The following GAREM2 variants were observed in gnomAD, a reference collection of about 807,000 sequenced individuals.
The protein encoded by GAREM2 is GRB2 associated regulator of MAPK1 subtype 2.
In GAREM2, 30 loss-of-function variants were observed where a neutral mutation model predicts 55.6. The ratio of observed to expected loss-of-function variants is 0.54; its 90% CI spans 0.40 to 0.73. GAREM2 has a LOEUF of 0.73. Among genes scored for constraint, GAREM2 ranks in the 30% least tolerant of loss-of-function variants. The pLI is 0.00. For synonymous variants in GAREM2, 550 were observed against 569.1 expected, an observed-to-expected ratio of 0.97 and a Z score of 0.48; for missense variants, 1,075 against 1,257.7, an observed-to-expected ratio of 0.85 and a Z score of 2.20.
chr2:26,201,208 T>A, the GAREM2 span: 2 of 1,613,990 alleles, frequency 1.2e-6, no homozygotes, highest in East Asian at 4.5e-5. Context: ...ACAGCTTCAA[T>A]CACCATGTCG....
At chr2:26,198,104 A>G in the GAREM2 span, among the ~76,000 whole-genome samples, 71 of 152,216 alleles carry the variant, frequency 4.7e-4, no homozygotes, top group African/African-American at 1.6e-3. Context: ...TTGAATTGCA[A>G]TTCATTGATT....
Position 26,188,287 on chromosome 2 carries a change from T to C in GAREM2, c.*30T>C, listed in dbSNP as rs1469782316. ...CCCAGCTGGAGCTGCACAGCTGGAATGCTGGTATGGGGGCCCCAGGTACAG... is the reference window on the plus strand; with the variant it reads ...CCCAGCTGGAGCTGCACAGCTGGAACGCTGGTATGGGGGCCCCAGGTACAG... On this transcript the variant is annotated 3_prime_UTR_variant, in exon 6 of 6. Transcript: ENST00000401533. The C allele has an allele frequency of 1.4e-6, 2 of 1,419,118 alleles. No homozygotes were observed. The highest frequency in any genetic ancestry group is 1.9e-6 in the Non-Finnish European group (2 of 1,076,786). The allele number at this position is 1,419,118 out of a possible 1,614,324, so 87.9% of individuals were successfully genotyped here. A position where few individuals can be genotyped will look rare whatever the true frequency, so the allele number is the denominator to read the frequency against.
chr2:26,198,065 C>T, the GAREM2 span, among the ~76,000 whole-genome samples: 6 of 152,182 alleles, frequency 3.9e-5, no homozygotes, highest in African/African-American at 1.4e-4. Context: ...GTCAATAAAA[C>T]AGCTTAGAAC....
Position 26,185,098 on chromosome 2 carries a change from C to T in GAREM2, c.1250C>T (p.Ala417Val), listed in dbSNP as rs1574593126. 6 of 1,432,022 alleles carry T rather than the reference C, an allele frequency of 4.2e-6. No individual in the cohort carries two copies. Among genetic ancestry groups the T allele is most frequent in the Middle Eastern group, 2.4e-4 (1 of 4,086 alleles). 88.7% of individuals were successfully genotyped at this position (1,432,022 alleles called of 1,614,324 possible). A position where few individuals can be genotyped will look rare whatever the true frequency, so the allele number is the denominator to read the frequency against. Residue 417 changes from alanine to valine, a missense_variant, in exon 4 of 6, where the codon GCG becomes GTG. This residue lies in a region of GAREM2 where 515 missense variants were observed against 501.5 expected (regional missense o/e 1.03). Transcript: ENST00000401533. Reference sequence around the variant, plus strand: ...TACGTGAGCCCCGACTGGGCAGCCGCGCCCGAGCCCGCCGCGCCGCCCGCC... The same window carrying T: ...TACGTGAGCCCCGACTGGGCAGCCGTGCCCGAGCCCGCCGCGCCGCCCGCC... The part of the protein sequence containing the change: ...QEYVSPDWAA[A>V]PEPAAPPAEI...
rs1297637412 is a variant in GAREM2, at chr2:26,187,660, A to G, written c.2028A>G (p.Ser676=). ...PGPASPGQAY[S]AAPPSSCAPS... is the part of the protein sequence containing the mutation. ...CAGCCTCGCCAGGCCAGGCCTATTC[A>G]GCTGCTCCCCCCTCCTCCTGCGCCC... The change falls in exon 6 of 6, where the codon TCA becomes TCG. Residue 676 remains serine (S), a synonymous_variant. Transcript: ENST00000401533. 4 of 1,533,900 alleles carry G rather than the reference A, an allele frequency of 2.6e-6. No homozygotes were observed. The highest frequency in any genetic ancestry group is 8.8e-7 in the Non-Finnish European group (1 of 1,138,162).
Position 26,184,401 on chromosome 2 carries a change from G to C in GAREM2, c.553G>C (p.Ala185Pro). Reference protein sequence around the residue: ...LRKLGRAGALAGVGGGGPASA... With the variant: ...LRKLGRAGALPGVGGGGPASA... ...AAAGCTGGGCCGGGCCGGGGCGCTG[G>C]CCGGGGTGGGCGGCGGCGGCCCAGC... The change falls in exon 4 of 6, where the codon GCC becomes CCC. Residue 185 changes from alanine (A) to proline (P), a missense_variant. This residue lies in a region of GAREM2 where 230 missense variants were observed against 310.6 expected (regional missense o/e 0.74). Coordinates refer to ENST00000401533, the MANE Select transcript of GAREM2 (RefSeq NM_001168241.2). The C allele has an allele frequency of 1.3e-6, 2 of 1,508,256 alleles. No individual in the cohort carries two copies. Among genetic ancestry groups the C allele is most frequent in the East Asian group, 2.8e-5 (1 of 35,756 alleles). The allele number at this position is 1,508,256 out of a possible 1,614,324, so 93.4% of individuals were successfully genotyped here.
At position 26,187,305 on chromosome 2, in the gene GAREM2, G is replaced by T. The variant is rs1310777387; in HGVS notation, c.1673G>T (p.Gly558Val). 1.1e-5 allele frequency: 16 copies of T among 1,516,494 alleles called. No homozygotes were observed. In the East Asian group the frequency reaches 3.7e-4, roughly 35 times the overall value. 93.9% of individuals were successfully genotyped at this position (1,516,494 alleles called of 1,614,324 possible). The change falls in exon 6 of 6, where the codon GGA becomes GTA. Residue 558 changes from glycine to valine, a missense_variant. Gly to Val is a moderately radical substitution (Grantham distance 109). This residue lies in a region of GAREM2 where 515 missense variants were observed against 501.5 expected (regional missense o/e 1.03). Transcript: ENST00000401533. ...YSLYCYPCTW[G>V]DCKVGESSSR... is the part of the protein sequence containing the mutation. Reference sequence around the variant, plus strand: ...CTCTATTGCTACCCATGCACCTGGGGAGACTGCAAGGTGGGCGAGTCCTCT... The same window carrying T: ...CTCTATTGCTACCCATGCACCTGGGTAGACTGCAAGGTGGGCGAGTCCTCT...
chr2:26,195,257 C>G, the GAREM2 span: 2 of 1,605,478 alleles, frequency 1.2e-6, no homozygotes, highest in Non-Finnish European at 8.5e-7. Context: ...CAAAAGCCAA[C>G]AGATCGGAGA....
downstream of GAREM2, chr2:26,194,547 A>G: frequency 6.7e-7 from 1 of 1,489,360 alleles, no homozygotes; most frequent in Non-Finnish European, 9.4e-7. Flanking sequence ...GATGCCGCAA[A>G]CACTCTGGAG....
the GAREM2 span, among the ~76,000 whole-genome samples, chr2:26,200,735 CTTT>C: frequency 9.4e-5 from 13 of 138,966 alleles, no homozygotes; most frequent in Non-Finnish European, 1.1e-4. Flanking sequence ...AACAAAAAGT[CTTT>C]TTTTTTTTTT....
chr2:26,175,859 C>T (rs1668847914), intron 1 of GAREM2, among the ~76,000 whole-genome samples: 2 of 152,196 alleles, frequency 1.3e-5, no homozygotes, highest in African/African-American at 4.8e-5. Flanking sequence ...GGAAGCACAG[C>T]TCCAGCATCT....
chr2:26,201,649 A>G, the GAREM2 span, among the ~76,000 whole-genome samples: 1 of 152,270 alleles, frequency 6.6e-6, no homozygotes, highest in Non-Finnish European at 1.5e-5. Context: ...TAACATGAAT[A>G]CTAGAATGGC....
At chr2:26,193,341 C>T (rs1321260481), downstream of GAREM2, among the ~76,000 whole-genome samples, 1 of 142,238 alleles carries the variant, frequency 7.0e-6, no homozygotes, top group African/African-American at 2.7e-5. Context: ...GTTGCCCAGG[C>T]TGGCCTCACA....
intron 2 of GAREM2, chr2:26,182,231 G>A: frequency 1.4e-6 from 2 of 1,410,798 alleles, no homozygotes; most frequent in Non-Finnish European, 1.8e-6. Context: ...GTCTCCTAGG[G>A]GCATGTGCTG....
chr2:26,203,600 GCCCTGCCTTCC>G, the GAREM2 span, among the ~76,000 whole-genome samples: 2 of 152,140 alleles, frequency 1.3e-5, no homozygotes, highest in African/African-American at 4.8e-5. Context: ...CCTGATCCCG[GCCCTGCCTTCC>G]CCCTGCAGTT....
chr2:26,191,217 T>C, downstream of GAREM2: 1 of 1,605,938 alleles, frequency 6.2e-7, no homozygotes, highest in Non-Finnish European at 8.5e-7. Flanking sequence ...CAGCTGGGGT[T>C]AGTGCACTGA....
At chr2:26,175,559 C>T (rs1668837436) in intron 1 of GAREM2, among the ~76,000 whole-genome samples, 2 of 151,844 alleles carry the variant, frequency 1.3e-5, no homozygotes, top group South Asian at 2.1e-4. Flanking sequence ...CCCTCTCCTT[C>T]GAGGTCCCCT....
Position 26,185,200 on chromosome 2 carries a change from T to G in GAREM2, c.1352T>G (p.Ile451Ser). The G allele has an allele frequency of 6.6e-7, 1 of 1,520,236 alleles. No homozygotes were observed. The highest frequency in any genetic ancestry group is 8.8e-7 in the Non-Finnish European group (1 of 1,140,956). 94.2% of individuals were successfully genotyped at this position (1,520,236 alleles called of 1,614,324 possible). A position where few individuals can be genotyped will look rare whatever the true frequency, so the allele number is the denominator to read the frequency against. ...CGGCCGCCCCCAGGGCTCGATCTCA[T>G]CTCCTTCGGGGCCGCGGGACCGCCG... ...LVRPPPGLDL[I>S]SFGAAGPPRR... Residue 451 changes from isoleucine to serine, a missense_variant, in exon 4 of 6, where the codon ATC becomes AGC. Ile to Ser is a moderately radical substitution (Grantham distance 142). Around this residue, in one of 6 missense-constraint regions of GAREM2, gnomAD observed 515 missense variants for 501.5 expected, o/e 1.03. Coordinates refer to ENST00000401533, the MANE Select transcript of GAREM2 (RefSeq NM_001168241.2).
At chr2:26,176,108 T>G (rs776590466) in intron 1 of GAREM2, among the ~76,000 whole-genome samples, 1 of 152,148 alleles carries the variant, frequency 6.6e-6, no homozygotes, top group African/African-American at 2.4e-5. Context: ...CAGCCACTGA[T>G]GAACGAGGGG....
Sources: allele counts gnomAD v4.1 joint callset (sites outside exome capture counted in the v4.1 genomes callset), GRCh38; gene constraint gnomAD v4.1.1; regional missense constraint gnomAD v4.1.1; transcripts MANE v1.5; gene names NCBI Gene and HGNC (gene_info 2026-07-23, HGNC 2026-07-21).